The following SLCO6A1 variants were observed in gnomAD, a reference collection of about 807,000 sequenced individuals.
SLCO6A1 encodes the protein solute carrier organic anion transporter family member 6A1.
SLCO6A1 carries 65 observed loss-of-function variants against 72.7 expected under a neutral mutation model. The observed-to-expected ratio is 0.89, with a 90% CI of 0.73 to 1.10. SLCO6A1 has a LOEUF of 1.10. Among genes scored for constraint, SLCO6A1 ranks in the 50% least tolerant of loss-of-function variants. SLCO6A1 has a pLI of 0.00. For synonymous variants in SLCO6A1, 314 were observed against 298.2 expected, an observed-to-expected ratio of 1.05 and a Z score of -0.55; for missense variants, 874 against 872.6, an observed-to-expected ratio of 1.00 and a Z score of -0.02.
chr5:102,475,078 T>C (rs1464965090), intron 4 of SLCO6A1, among the ~76,000 whole-genome samples: 1 of 152,084 alleles, frequency 6.6e-6, no homozygotes, highest in African/African-American at 2.4e-5. Flanking sequence ...AGCAATCCAA[T>C]TTCTGAGTAT....
At chr5:102,488,073 T>C (rs1281388787) in intron 1 of SLCO6A1, among the ~76,000 whole-genome samples, 1 of 152,118 alleles carries the variant, frequency 6.6e-6, no homozygotes. Context: ...TTCGCATAAA[T>C]TAAAGCATAT....
In SLCO6A1 at chr5:102,494,526, A is replaced by G. The variant is rs75538230; in HGVS notation, c.358+3961T>C. ...TGGGAGAAAATATTAGTAAATATTT[A>G]TTCAACAAAAGGCTTGCATCCAGAT... On this transcript the variant is annotated intron_variant, in intron 1 of 13. Coordinates refer to ENST00000506729, the MANE Select transcript of SLCO6A1 (RefSeq NM_173488.5). Among the ~76,000 whole-genome samples, 474 of 152,350 alleles carry G rather than the reference A, an allele frequency of 3.1e-3. 4 individuals are homozygous for G. Among genetic ancestry groups the G allele is most frequent in the South Asian group, 6.8e-3 (33 of 4,830 alleles).
intron 4 of SLCO6A1, among the ~76,000 whole-genome samples, chr5:102,466,847 G>A (rs1751338574): frequency 6.6e-6 from 1 of 152,030 alleles, no homozygotes; most frequent in African/African-American, 2.4e-5. Flanking sequence ...CATGTCCTTT[G>A]CCTACTTTTT....
At chr5:102,438,844 T>A in intron 6 of SLCO6A1, 83 bp from the exon 7 acceptor site, 2 of 1,014,634 alleles carry the variant, frequency 2.0e-6, no homozygotes, top group Non-Finnish European at 2.7e-6. Flanking sequence ...TAATGATCTG[T>A]CTACAAAAAT....
chr5:102,380,598 C>T (rs774841152), intron 12 of SLCO6A1, among the ~76,000 whole-genome samples: 4 of 151,962 alleles, frequency 2.6e-5, no homozygotes, highest in Non-Finnish European at 5.9e-5. Flanking sequence ...GTAACCCATG[C>T]TCTAGAGTAG....
At chr5:102,489,703 A>C (rs1752590938) in intron 1 of SLCO6A1, among the ~76,000 whole-genome samples, 1 of 152,214 alleles carries the variant, frequency 6.6e-6, no homozygotes, top group Non-Finnish European at 1.5e-5. Flanking sequence ...CCTCAAAACT[A>C]AAAATAGAAC....
At position 102,493,551 on chromosome 5, in the gene SLCO6A1, A is replaced by C. The variant is rs187471980; in HGVS notation, c.358+4936T>G. Among the ~76,000 whole-genome samples the C allele has an allele frequency of 2.8e-3, 419 of 152,296 alleles. 4 individuals are homozygous for C. Among genetic ancestry groups the C allele is most frequent in the Admixed American group, 6.5e-3 (99 of 15,304 alleles). On this transcript the variant is annotated intron_variant, in intron 1 of 13. Transcript: ENST00000506729. ...TACAGTTAACATATTTAACTGTGAAAGGCTGAATTTTTTCTATCTAAAAAT... is the reference window on the plus strand; with the variant it reads ...TACAGTTAACATATTTAACTGTGAACGGCTGAATTTTTTCTATCTAAAAAT...
intron 5 of SLCO6A1, among the ~76,000 whole-genome samples, chr5:102,459,103 A>G (rs532245861): frequency 3.3e-4 from 51 of 152,276 alleles, no homozygotes; most frequent in African/African-American, 1.2e-3. Context: ...AAACAAAAAT[A>G]TGCACTAATT....
At position 102,454,991 on chromosome 5, in the gene SLCO6A1, T is replaced by A. The variant is rs1750624035; in HGVS notation, c.1131+3391A>T. Among the ~76,000 whole-genome samples the A allele has an allele frequency of 6.2e-5, 8 of 128,164 alleles. No individual in the cohort carries two copies. The Admixed American group carries it at 6.7e-4, about 11-fold the overall frequency. The allele number at this position is 128,164 out of a possible 152,430, so 84.1% of individuals were successfully genotyped here. ...CATTTGTTTTAGGATTAAACCAGTA[T>A]AACAAAATATATATAAATATATATA... On this transcript the variant is annotated intron_variant, in intron 6 of 13. Transcript: ENST00000506729.
chr5:102,442,894 T>C (rs1443773866), intron 6 of SLCO6A1, among the ~76,000 whole-genome samples: 2 of 151,948 alleles, frequency 1.3e-5, no homozygotes, highest in African/African-American at 4.8e-5. Context: ...AAACCCCGTC[T>C]CTACTAAAAA....
intron 4 of SLCO6A1, among the ~76,000 whole-genome samples, chr5:102,474,751 C>T (rs1204802306): frequency 2.0e-5 from 3 of 151,760 alleles, no homozygotes; most frequent in Non-Finnish European, 4.4e-5. Flanking sequence ...TTAAAAATGG[C>T]CAAAGGACTT....
chr5:102,400,395 T>G (rs1236905644), intron 9 of SLCO6A1, among the ~76,000 whole-genome samples: 1 of 151,924 alleles, frequency 6.6e-6, no homozygotes, highest in African/African-American at 2.4e-5. Flanking sequence ...AATAATTTCT[T>G]TATCATTATT....
chr5:102,460,011 TC>T (rs1317830802), intron 4 of SLCO6A1, among the ~76,000 whole-genome samples: 1 of 152,162 alleles, frequency 6.6e-6, no homozygotes. Context: ...TTTTCCCTTT[TC>T]CTTCTTTTTC....
chr5:102,480,139 ATTGAT>A (rs780097843), intron 2 of SLCO6A1, 33 bp downstream of exon 2: 1 of 1,531,728 alleles, frequency 6.5e-7, no homozygotes, highest in East Asian at 2.3e-5. Context: ...TTGAATGAAT[ATTGAT>A]TTGATGTATG....
chr5:102,493,129 G>T (rs576204556), intron 1 of SLCO6A1, among the ~76,000 whole-genome samples: 11 of 151,662 alleles, frequency 7.3e-5, no homozygotes, highest in African/African-American at 2.7e-4. Flanking sequence ...AAATGAGGAG[G>T]AAAGATAAGA....
At chr5:102,392,464 T>C (rs983235334) in intron 10 of SLCO6A1, among the ~76,000 whole-genome samples, 3 of 152,170 alleles carry the variant, frequency 2.0e-5, no homozygotes, top group South Asian at 2.1e-4. Flanking sequence ...TCATATGATA[T>C]TGGAGCTATG....
At position 102,493,231 on chromosome 5, in the gene SLCO6A1, G is replaced by A. The variant is rs555446539; in HGVS notation, c.358+5256C>T. Among the ~76,000 whole-genome samples, 22 of 152,116 alleles carry A rather than the reference G, an allele frequency of 1.4e-4. No individual in the cohort carries two copies. In the South Asian group the frequency reaches 4.2e-3, roughly 29 times the overall value. Reference sequence around the variant, plus strand: ...CTAAGAAAACTGTAGAACAATACTCGCACAGAAACAAAAATTTTTAACAAA... The same window carrying A: ...CTAAGAAAACTGTAGAACAATACTCACACAGAAACAAAAATTTTTAACAAA... On this transcript the variant is annotated intron_variant, in intron 1 of 13. Transcript: ENST00000506729.
intron 4 of SLCO6A1, among the ~76,000 whole-genome samples, chr5:102,468,014 G>T (rs1278533098): frequency 2.6e-5 from 4 of 151,966 alleles, no homozygotes; most frequent in African/African-American, 9.7e-5. Flanking sequence ...TATCCTAGGG[G>T]TTTTGATAGG....
At chr5:102,409,327 C>T (rs1747843827) in intron 9 of SLCO6A1, among the ~76,000 whole-genome samples, 1 of 151,974 alleles carries the variant, frequency 6.6e-6, no homozygotes, top group African/African-American at 2.4e-5. Flanking sequence ...TTATGTTGGC[C>T]CTGATCATAT....
Sources: gnomAD v4.1 joint callset for allele counts (sites outside exome capture counted in the v4.1 genomes callset) on GRCh38, gnomAD v4.1.1 for gene constraint, MANE v1.5 for transcripts, NCBI Gene and HGNC (gene_info 2026-07-23, HGNC 2026-07-21) for gene names.